DHH: variants seen among roughly 807,000 people sequenced by gnomAD.
DHH encodes the protein desert hedgehog protein.
A neutral mutation model predicts 27.6 loss-of-function variants in DHH; 16 were observed. The observed-to-expected ratio is 0.58, with a 90% CI of 0.39 to 0.88. The LOEUF (loss-of-function observed/expected upper bound fraction) is 0.88, where lower values mean the gene tolerates loss of function less well. DHH is among the 40% of genes least tolerant of loss of function. The pLI, the probability that DHH is intolerant of heterozygous loss-of-function variation, is 0.00. For synonymous variants in DHH, 289 were observed against 263.4 expected (o/e 1.10, Z -0.94); for missense variants, 436 against 563.1 (o/e 0.77, Z 2.28).
chr12:49,090,130 G>T lies in DHH; in HGVS notation c.920C>A (p.Ala307Glu). 1 of 1,507,124 alleles carries T rather than the reference G, an allele frequency of 6.6e-7. No homozygotes were observed. The highest frequency in any genetic ancestry group is 1.3e-5 in the South Asian group (1 of 77,662). The allele number at this position is 1,507,124 out of a possible 1,614,324, so 93.4% of individuals were successfully genotyped here. Residue 307 changes from alanine to glutamate, a missense_variant, in exon 3 of 3, where the codon GCG becomes GAG. Transcript: ENST00000649637. This position sits in a 1 kb window ranked among gnomAD's most constrained non-coding sequence, Gnocchi z 5.2. ...ACGGGCCACGCGCGCTGGCCGAAGC[G>T]CATCCCCGCCGGGCGCCAGCACCGA... ...GDSVLAPGGDALRPARVARVA... is the reference protein window; with the variant it reads ...GDSVLAPGGDELRPARVARVA...
Position 49,090,174 on chromosome 12 carries a change from G to A in DHH, c.876C>T (p.Arg292=), listed in dbSNP as rs906841834. 7 of 1,545,262 alleles carry A rather than the reference G, an allele frequency of 4.5e-6. No homozygotes were observed. The African/African-American group carries it at 9.6e-5, about 21-fold the overall frequency. ...APGDFAPVFA[R]RLRAGDSVLA... ...GCACCGAGTCCCCAGCGCGTAGCCG[G>A]CGCGCGAACACCGGTGCAAAGTCGC... The change falls in exon 3 of 3, where the codon CGC becomes CGT. Residue 292 remains arginine, a synonymous_variant. Coordinates refer to ENST00000649637, the MANE Select transcript of DHH (RefSeq NM_021044.4). The surrounding 1 kb of genome is among the most constrained non-coding windows in gnomAD (Gnocchi z 5.2).
At position 49,087,204 on chromosome 12, in the gene DHH, T is replaced by G. The variant is rs1398799553; in HGVS notation, c.*2655A>C. ...AGGCAAGTCATGGATTTTTTTTTTT[T>G]TTGAGAGTTAGGAGGGGCCTCAAAG... On this transcript the variant is annotated 3_prime_UTR_variant, in exon 3 of 3. Transcript: ENST00000649637. 6.6e-6 allele frequency among the ~76,000 whole-genome samples: 1 copy of G among 152,034 alleles called. No homozygotes were observed. Among genetic ancestry groups the G allele is most frequent in the Non-Finnish European group, 1.5e-5 (1 of 68,010 alleles).
In DHH at chr12:49,090,324, G is replaced by A. The variant is rs886049491; in HGVS notation, c.726C>T (p.Phe242=). ...GRVVPTPVLL[F]LDRDLQRRAS... The stretch of plus-strand genomic sequence containing the variant: ...CCCGGCGCTGCAAGTCCCGGTCCAG[G>A]AAGAGCAGCACCGGCGTGGGCACCA... The change falls in exon 3 of 3, where the codon TTC becomes TTT. Residue 242 remains phenylalanine, a synonymous_variant. Coordinates refer to ENST00000649637, the MANE Select transcript of DHH (RefSeq NM_021044.4). The surrounding 1 kb of genome is among the most constrained non-coding windows in gnomAD (Gnocchi z 5.2). The A allele has an allele frequency of 6.2e-7, 1 of 1,604,706 alleles. No homozygotes were observed. The highest frequency in any genetic ancestry group is 8.5e-7 in the Non-Finnish European group (1 of 1,176,736).
intron 1 of DHH, among the ~76,000 whole-genome samples, chr12:49,092,581 C>T (rs1043745302): frequency 1.3e-5 from 2 of 152,228 alleles, no homozygotes; most frequent in South Asian, 2.1e-4. Context: ...CCTCTAGTCT[C>T]CTCCACCCCG....
At position 49,088,041 on chromosome 12, in the gene DHH, A is replaced by G. The variant is rs954329991; in HGVS notation, c.*1818T>C. On this transcript the variant is annotated 3_prime_UTR_variant, in exon 3 of 3. Transcript: ENST00000649637. The stretch of plus-strand genomic sequence containing the variant: ...TTTATCAAGCACTACCTGGAACCCT[A>G]TTATGCTTTCACCTCCTTGACAATT... Among the ~76,000 whole-genome samples the G allele has an allele frequency of 2.0e-5, 3 of 152,150 alleles. No individual in the cohort carries two copies. The highest frequency in any genetic ancestry group is 4.4e-5 in the Non-Finnish European group (3 of 68,020).
chr12:49,093,545 G>A (rs1360115299), intron 1 of DHH, among the ~76,000 whole-genome samples: 8 of 152,166 alleles, frequency 5.3e-5, no homozygotes, highest in Admixed American at 5.2e-4. Context: ...AGACTTAGGA[G>A]CCCTCTGATT....
At position 49,090,298 on chromosome 12, in the gene DHH, G is replaced by A. The variant is rs1939274362; in HGVS notation, c.752C>T (p.Ala251Val). ...CTCGGTCTCCACAGCCACAAATGAA[G>A]CCCGGCGCTGCAAGTCCCGGTCCAG... ...LFLDRDLQRRASFVAVETEWP... is the reference protein window; with the variant it reads ...LFLDRDLQRRVSFVAVETEWP... Residue 251 changes from alanine to valine, a missense_variant, in exon 3 of 3, where the codon GCT (alanine) becomes GTT (valine). Transcript: ENST00000649637. This position sits in a 1 kb window ranked among gnomAD's most constrained non-coding sequence, Gnocchi z 5.2. 2 of 1,588,524 alleles carry A rather than the reference G, an allele frequency of 1.3e-6. No individual in the cohort carries two copies. Among genetic ancestry groups the A allele is most frequent in the Non-Finnish European group, 1.7e-6 (2 of 1,168,460 alleles).
At position 49,089,987 on chromosome 12, in the gene DHH, G is replaced by A. The variant is rs1939266155; in HGVS notation, c.1063C>T (p.Arg355Cys). The change falls in exon 3 of 3, where the codon CGC (arginine) becomes TGC (cysteine). Residue 355 changes from arginine (R) to cysteine (C), a missense_variant. Transcript: ENST00000649637. ...AVLESHQWAH[R>C]AFAPLRLLHA... The stretch of plus-strand genomic sequence containing the variant: ...AGCAGTCTCAAGGGGGCAAAAGCGC[G>A]GTGCGCCCACTGGTGACTCTCCAGA... The A allele has an allele frequency of 1.9e-6, 3 of 1,568,456 alleles. No homozygotes were observed. Among genetic ancestry groups the A allele is most frequent in the Non-Finnish European group, 1.7e-6 (2 of 1,157,976 alleles).
rs769474974 is a variant in DHH at position 49,094,335 on chromosome 12, T to C, written c.178A>G (p.Ser60Gly). Reference sequence around the variant, plus strand: ...GCCACCCTCCCCTCCGCTGGCCCACTGGCGCCCAGGGTCCGCTCTGGCACG... The same window carrying C: ...GCCACCCTCCCCTCCGCTGGCCCACCGGCGCCCAGGGTCCGCTCTGGCACG... ...PGVPERTLGASGPAEGRVARG... is the reference protein window; with the variant it reads ...PGVPERTLGAGGPAEGRVARG... The change falls in exon 1 of 3, where the codon AGT becomes GGT. Residue 60 changes from serine to glycine, a missense_variant. Ser to Gly is a moderately conservative substitution (Grantham distance 56, BLOSUM62 0). Coordinates refer to ENST00000649637, the MANE Select transcript of DHH (RefSeq NM_021044.4). 6.2e-7 allele frequency: 1 copy of C among 1,613,170 alleles called. No individual in the cohort carries two copies. The highest frequency in any genetic ancestry group is 8.5e-7 in the Non-Finnish European group (1 of 1,179,894).
rs779737932 is a variant in DHH at position 49,089,865 on chromosome 12, C to A, written c.1185G>T (p.Leu395=). The part of the protein sequence containing the change: ...RLLYRLAEEL[L]G ...GTTTCTATGCCTGGGACGCTCAGCC[C>A]AGTAGCTCCTCCGCTAAGCGGTAGA... The change falls in exon 3 of 3, where the codon CTG becomes CTT. Residue 395 remains leucine, a synonymous_variant. Transcript: ENST00000649637. 1 of 1,568,856 alleles carries A rather than the reference C, an allele frequency of 6.4e-7. No homozygotes were observed. The highest frequency in any genetic ancestry group is 8.7e-7 in the Non-Finnish European group (1 of 1,156,046).
rs1038924235 is a variant in DHH at position 49,087,220 on chromosome 12, G to A, written c.*2639C>T. On this transcript the variant is annotated 3_prime_UTR_variant, in exon 3 of 3. Transcript: ENST00000649637. Reference sequence around the variant, plus strand: ...TTTTTTTTTTTTGAGAGTTAGGAGGGGCCTCAAAGGAATAAAGATAATAAA... The same window carrying A: ...TTTTTTTTTTTTGAGAGTTAGGAGGAGCCTCAAAGGAATAAAGATAATAAA... Among the ~76,000 whole-genome samples the A allele has an allele frequency of 4.0e-5, 6 of 151,662 alleles. No homozygotes were observed. The highest frequency in any genetic ancestry group is 3.9e-4 in the East Asian group (2 of 5,192).
Position 49,094,586 on chromosome 12 carries a change from A to G in DHH, c.-74T>C. Reference sequence around the variant, plus strand: ...TCTCCTGTCAGTTAGGCATCTCCACAGGCACCAGAGAGGGCAGCAGGCACA... The same window carrying G: ...TCTCCTGTCAGTTAGGCATCTCCACGGGCACCAGAGAGGGCAGCAGGCACA... On this transcript the variant is annotated 5_prime_UTR_variant, in exon 1 of 3. Transcript: ENST00000649637. 6.7e-7 allele frequency: 1 copy of G among 1,499,670 alleles called. No homozygotes were observed. The highest frequency in any genetic ancestry group is 9.1e-7 in the Non-Finnish European group (1 of 1,102,238). 92.9% of individuals were successfully genotyped at this position (1,499,670 alleles called of 1,614,324 possible). A position where few individuals can be genotyped will look rare whatever the true frequency, so the allele number is the denominator to read the frequency against.
In DHH at chr12:49,091,445, C is replaced by T. The variant is rs1939302487; in HGVS notation, c.304-56G>A. 2 of 1,605,182 alleles carry T rather than the reference C, an allele frequency of 1.2e-6. No homozygotes were observed. The highest frequency in any genetic ancestry group is 1.7e-6 in the Non-Finnish European group (2 of 1,177,114). ...ACCACCACCCTTGGGGCAAAAGGGA[C>T]CTGGATAGGAGGGTTGATTCTTTGT... is the stretch of plus-strand genomic sequence containing the variant. On this transcript the variant is annotated intron_variant, in intron 1 of 2. Transcript: ENST00000649637. The surrounding 1 kb of genome is among the most constrained non-coding windows in gnomAD (Gnocchi z 4.8).
Position 49,089,604 on chromosome 12 carries a change from G to A in DHH, c.*255C>T. 1 of 392,830 alleles carries A rather than the reference G, an allele frequency of 2.5e-6. No homozygotes were observed. The highest frequency in any genetic ancestry group is 4.5e-6 in the Non-Finnish European group (1 of 222,904). 24.3% of individuals were successfully genotyped at this position (392,830 alleles called of 1,614,324 possible). A position where few individuals can be genotyped will look rare whatever the true frequency, so the allele number is the denominator to read the frequency against. On this transcript the variant is annotated 3_prime_UTR_variant, in exon 3 of 3. Transcript: ENST00000649637. ...AATAAGAAATAAAATAAAATTATCG[G>A]GTGGGGCTGAAGCACTGGGGGAGAG...
Position 49,090,096 on chromosome 12 carries a change from C to T in DHH, c.954G>A (p.Arg318=). ...LRPARVARVA[R]EEAVGVFAPL... ...GCGCGAACACGCCCACGGCTTCCTCCCGCGCCACACGGGCCACGCGCGCTG... is the reference window on the plus strand; with the variant it reads ...GCGCGAACACGCCCACGGCTTCCTCTCGCGCCACACGGGCCACGCGCGCTG... The change falls in exon 3 of 3, where the codon CGG becomes CGA. Residue 318 remains arginine, a synonymous_variant. Coordinates refer to ENST00000649637, the MANE Select transcript of DHH (RefSeq NM_021044.4). The surrounding 1 kb of genome is among the most constrained non-coding windows in gnomAD (Gnocchi z 5.2). 6.5e-7 allele frequency: 1 copy of T among 1,528,380 alleles called. No individual in the cohort carries two copies. The highest frequency in any genetic ancestry group is 1.2e-5 in the South Asian group (1 of 81,394). 94.7% of individuals were successfully genotyped at this position (1,528,380 alleles called of 1,614,324 possible). A position where few individuals can be genotyped will look rare whatever the true frequency, so the allele number is the denominator to read the frequency against.
Position 49,091,428 on chromosome 12 carries a change from C to A in DHH, c.304-39G>T. ...AAGGAGTCAGTCTCCCCACCACCAC[C>A]CTTGGGGCAAAAGGGACCTGGATAG... On this transcript the variant is annotated intron_variant, in intron 1 of 2. Coordinates refer to ENST00000649637, the MANE Select transcript of DHH (RefSeq NM_021044.4). This position sits in a 1 kb window ranked among gnomAD's most constrained non-coding sequence, Gnocchi z 4.8. 6.2e-7 allele frequency: 1 copy of A among 1,611,478 alleles called. No homozygotes were observed. The highest frequency in any genetic ancestry group is 8.5e-7 in the Non-Finnish European group (1 of 1,179,472).
rs1939269211 is a variant in DHH, at chr12:49,090,096, C to G, written c.954G>C (p.Arg318=). ...LRPARVARVA[R]EEAVGVFAPL... is the part of the protein sequence containing the mutation. The stretch of plus-strand genomic sequence containing the variant: ...GCGCGAACACGCCCACGGCTTCCTC[C>G]CGCGCCACACGGGCCACGCGCGCTG... The change falls in exon 3 of 3, where the codon CGG becomes CGC. Residue 318 remains arginine (R), a synonymous_variant. Transcript: ENST00000649637. This position sits in a 1 kb window ranked among gnomAD's most constrained non-coding sequence, Gnocchi z 5.2. 2 of 1,528,380 alleles carry G rather than the reference C, an allele frequency of 1.3e-6. No homozygotes were observed. Among genetic ancestry groups the G allele is most frequent in the Non-Finnish European group, 1.8e-6 (2 of 1,138,068 alleles). 94.7% of individuals were successfully genotyped at this position (1,528,380 alleles called of 1,614,324 possible). A position where few individuals can be genotyped will look rare whatever the true frequency, so the allele number is the denominator to read the frequency against.
Position 49,089,819 on chromosome 12 carries a change from C to T in DHH, c.*40G>A, listed in dbSNP as rs1939261906. The T allele has an allele frequency of 6.7e-7, 1 of 1,493,496 alleles. No homozygotes were observed. The highest frequency in any genetic ancestry group is 1.4e-5 in the African/African-American group (1 of 70,604). The allele number at this position is 1,493,496 out of a possible 1,614,324, so 92.5% of individuals were successfully genotyped here. ...CCCCATATCTCAGCCAGCAGGCCCT[C>T]GTTTCCTCGGGCGCTTCGAGGTTTC... On this transcript the variant is annotated 3_prime_UTR_variant, in exon 3 of 3. Transcript: ENST00000649637.
Position 49,087,485 on chromosome 12 carries a change from G to A in DHH, c.*2374C>T, listed in dbSNP as rs367547389. Among the ~76,000 whole-genome samples the A allele has an allele frequency of 1.6e-4, 25 of 152,318 alleles. No individual in the cohort carries two copies. Among genetic ancestry groups the A allele is most frequent in the African/African-American group, 5.5e-4 (23 of 41,568 alleles). ...TTCCAGCACTTTGTGGGGCAAAGGC[G>A]GGAGCCCAGGAGTTCAAGACCAGCC... On this transcript the variant is annotated 3_prime_UTR_variant, in exon 3 of 3. Transcript: ENST00000649637.
Sources: allele counts gnomAD v4.1 joint callset (sites outside exome capture counted in the v4.1 genomes callset), GRCh38; gene constraint gnomAD v4.1.1; non-coding constraint Gnocchi (gnomAD v3.1); transcripts MANE v1.5; gene names NCBI Gene and HGNC (gene_info 2026-07-23, HGNC 2026-07-21).